Variants in NTRK2 observed in about 807,000 individuals in gnomAD.
NTRK2 encodes neurotrophic receptor tyrosine kinase 2, also known as BDNF/NT-3 growth factors receptor.
NTRK2 carries 13 observed loss-of-function variants against 94.5 expected under a neutral mutation model. The observed-to-expected ratio is 0.14, with a 90% CI of 0.09 to 0.22. NTRK2 has a LOEUF of 0.22. NTRK2 is among the 10% of genes least tolerant of loss of function. The pLI, the probability that NTRK2 is intolerant of heterozygous loss-of-function variation, is 1.00. For synonymous variants in NTRK2, 372 were observed against 407.4 expected, an observed-to-expected ratio of 0.91 and a Z score of 1.05; for missense variants, 639 against 1,071.2, an observed-to-expected ratio of 0.60 and a Z score of 5.63.
chr9:85,006,428 C>A (rs1181831177), intron 17 of NTRK2, among the ~76,000 whole-genome samples: 1 of 151,516 alleles, frequency 6.6e-6, no homozygotes, highest in Admixed American at 6.5e-5. Flanking sequence ...ATACATGTGG[C>A]CATGCCAAGG....
rs1486693230 is a variant in NTRK2 at position 84,960,761 on chromosome 9, TAC to T, written c.2172+5245_2172+5246del. Among the ~76,000 whole-genome samples, 3 of 152,214 alleles carry T rather than the reference TAC, an allele frequency of 2.0e-5. No individual in the cohort carries two copies. In the South Asian group the frequency reaches 6.2e-4, roughly 32 times the overall value. On this transcript the variant is annotated intron_variant, in intron 17 of 18. Coordinates refer to ENST00000277120, the MANE Select transcript of NTRK2 (RefSeq NM_006180.6). The stretch of plus-strand genomic sequence containing the variant: ...TACAAAGAGGCATCACAGCATACAG[TAC>T]CTTGCATCAAGGAAACTGGCTCATA...
At chr9:84,729,505 A>G (rs2062694143) in intron 9 of NTRK2, among the ~76,000 whole-genome samples, 1 of 152,208 alleles carries the variant, frequency 6.6e-6, no homozygotes, top group Non-Finnish European at 1.5e-5. Flanking sequence ...CTGATTTAGG[A>G]CAGTAGCTTT....
At chr9:84,858,840 T>A (rs2075193408) in intron 12 of NTRK2, among the ~76,000 whole-genome samples, 1 of 152,214 alleles carries the variant, frequency 6.6e-6, no homozygotes, top group African/African-American at 2.4e-5. Flanking sequence ...ATTTTGGTGA[T>A]TTTGGAGCAT....
At chr9:84,693,486 A>T (rs1230941786) in intron 2 of NTRK2, among the ~76,000 whole-genome samples, 1 of 152,164 alleles carries the variant, frequency 6.6e-6, no homozygotes, top group Non-Finnish European at 1.5e-5. Flanking sequence ...TTTTCTTTAT[A>T]ATATTTTGAA....
At chr9:84,807,319 T>C (rs7019128) in intron 12 of NTRK2, among the ~76,000 whole-genome samples, 18,035 of 152,172 alleles carry the variant, frequency 0.12, 1,263 homozygotes, top group East Asian at 0.18. Flanking sequence ...TCCCAGTCTT[T>C]CCCTTTGAAA....
At chr9:84,940,735 T>TA (rs112747441) in intron 15 of NTRK2, among the ~76,000 whole-genome samples, 9,258 of 146,628 alleles carry the variant, frequency 0.063, 363 homozygotes, top group Admixed American at 0.13. Context: ...TGGAACAGTT[T>TA]AAAAAAAAAA....
intron 12 of NTRK2, among the ~76,000 whole-genome samples, chr9:84,807,459 A>G (rs1184829404): frequency 6.6e-6 from 1 of 152,190 alleles, no homozygotes; most frequent in Non-Finnish European, 1.5e-5. Context: ...CCTTGTTCCT[A>G]TATAGCTCAG....
At chr9:84,798,940 A>C (rs11140760) in intron 12 of NTRK2, among the ~76,000 whole-genome samples, 1 of 117,804 alleles carries the variant, frequency 8.5e-6, no homozygotes, top group Admixed American at 9.5e-5. Flanking sequence ...ATATATATAT[A>C]TGCTTATTTA....
intron 12 of NTRK2, among the ~76,000 whole-genome samples, chr9:84,789,584 A>G (rs565363620): frequency 2.8e-4 from 42 of 152,334 alleles, no homozygotes; most frequent in African/African-American, 9.1e-4. Context: ...GCTGAGGCCC[A>G]GCGTGACCCA....
At position 85,021,663 on chromosome 9, in the gene NTRK2, C is replaced by T; in HGVS notation, c.*226C>T. The T allele has an allele frequency of 1.7e-6, 1 of 578,194 alleles. No homozygotes were observed. The highest frequency in any genetic ancestry group is 3.1e-6 in the Non-Finnish European group (1 of 326,244). 35.8% of individuals were successfully genotyped at this position (578,194 alleles called of 1,614,324 possible). A position where few individuals can be genotyped will look rare whatever the true frequency, so the allele number is the denominator to read the frequency against. On this transcript the variant is annotated 3_prime_UTR_variant, in exon 19 of 19. Coordinates refer to ENST00000277120, the MANE Select transcript of NTRK2 (RefSeq NM_006180.6). ...TTATCTCTTTCTCTCTTTCCATCTCCCTTGGTTGTTCCTTTTTCTTTTTTT... is the reference window on the plus strand; with the variant it reads ...TTATCTCTTTCTCTCTTTCCATCTCTCTTGGTTGTTCCTTTTTCTTTTTTT...
At chr9:84,669,583 G>C (rs928170147), upstream of NTRK2, 2 of 153,318 alleles carry the variant, frequency 1.3e-5, no homozygotes, top group African/African-American at 4.8e-5. The surrounding 1 kb of genome is among the most constrained non-coding windows in gnomAD (Gnocchi z 4.1). Context: ...CCTCCTCCCT[G>C]CTCGCCCCCA....
chr9:84,715,614 T>A (rs2061668273), intron 6 of NTRK2, among the ~76,000 whole-genome samples: 1 of 152,150 alleles, frequency 6.6e-6, no homozygotes, highest in Admixed American at 6.5e-5. Context: ...TTAATTGGAA[T>A]AGAGAGGTGC....
chr9:84,989,889 A>G (rs2133306016), intron 17 of NTRK2, among the ~76,000 whole-genome samples: 1 of 152,184 alleles, frequency 6.6e-6, no homozygotes, highest in East Asian at 1.9e-4. Context: ...GTTTTTTCAA[A>G]CCCAGGCAGT....
At chr9:85,004,998 G>A (rs1265251590) in intron 17 of NTRK2, among the ~76,000 whole-genome samples, 1 of 152,178 alleles carries the variant, frequency 6.6e-6, no homozygotes, top group African/African-American at 2.4e-5. Context: ...AAACACTGAA[G>A]GAGCTAGTAA....
At chr9:84,991,441 G>A (rs887503002) in intron 17 of NTRK2, among the ~76,000 whole-genome samples, 2 of 152,142 alleles carry the variant, frequency 1.3e-5, no homozygotes, top group African/African-American at 2.4e-5. Context: ...TTATCTATGC[G>A]AGTTTATCTG....
intron 12 of NTRK2, among the ~76,000 whole-genome samples, chr9:84,843,214 T>C (rs2074281873): frequency 6.6e-6 from 1 of 152,210 alleles, no homozygotes. Flanking sequence ...TTTAAGTTAG[T>C]GGGTTGGTTC....
intron 12 of NTRK2, chr9:84,812,300 C>A: frequency 9.5e-7 from 1 of 1,057,344 alleles, no homozygotes; most frequent in East Asian, 5.2e-5. Context: ...GAAGACCTTT[C>A]ACAGAATCCT....
chr9:84,929,523 CT>C (rs1217125939), intron 14 of NTRK2, among the ~76,000 whole-genome samples: 1 of 150,026 alleles, frequency 6.7e-6, no homozygotes. Flanking sequence ...TTGAGTTTTC[CT>C]TCAAATCTAG....
intron 17 of NTRK2, among the ~76,000 whole-genome samples, chr9:84,970,788 A>C (rs1031366839): frequency 6.6e-6 from 1 of 152,244 alleles, no homozygotes; most frequent in African/African-American, 2.4e-5. Context: ...GTATGATTTC[A>C]TCTTAAAGAA....
Sources: allele counts gnomAD v4.1 joint callset (sites outside exome capture counted in the v4.1 genomes callset), GRCh38; gene constraint gnomAD v4.1.1; non-coding constraint Gnocchi (gnomAD v3.1); transcripts MANE v1.5; gene names NCBI Gene and HGNC (gene_info 2026-07-23, HGNC 2026-07-21).